The following PALM2AKAP2 variants were observed in gnomAD, a reference collection of about 807,000 sequenced individuals.
PALM2AKAP2 encodes the protein PALM2 and AKAP2 fusion, also known as PALM2-AKAP2 fusion protein.
Under a neutral mutation model 71.5 loss-of-function variants are expected in PALM2AKAP2, and 37 were observed. That is an observed-to-expected ratio of 0.52 (90% CI 0.40 to 0.68). The LOEUF (loss-of-function observed/expected upper bound fraction) is 0.68, where lower values mean the gene tolerates loss of function less well. Among genes scored for constraint, PALM2AKAP2 ranks in the 30% least tolerant of loss-of-function variants. The probability of loss-of-function intolerance (pLI) is 0.00; values close to 1 mark genes in which losing one functional copy is unlikely to be tolerated. For synonymous variants in PALM2AKAP2, 468 were observed against 478.8 expected, an observed-to-expected ratio of 0.98 and a Z score of 0.29; for missense variants, 1,224 against 1,191.8, an observed-to-expected ratio of 1.03 and a Z score of -0.40.
At chr9:109,997,422 T>G (rs1832594783) in intron 6 of PALM2AKAP2, among the ~76,000 whole-genome samples, 1 of 152,110 alleles carries the variant, frequency 6.6e-6, no homozygotes, top group Non-Finnish European at 1.5e-5. Context: ...CTGCTACTAT[T>G]GCAGCCCCGC....
chr9:109,675,650 A>G (rs1587863277), intron 1 of PALM2AKAP2, among the ~76,000 whole-genome samples: 3 of 152,330 alleles, frequency 2.0e-5, no homozygotes, highest in South Asian at 4.1e-4. Context: ...ATTGCAGTCA[A>G]CTAGGTGTAT....
rs187367991 is a variant in PALM2AKAP2, at chr9:109,740,891, A to T, written c.6-39597A>T. Among the ~76,000 whole-genome samples the T allele has an allele frequency of 3.7e-3, 570 of 152,256 alleles. 3 individuals carry two copies. Among genetic ancestry groups the T allele is most frequent in the African/African-American group, 0.013 (551 of 41,540 alleles). On this transcript the variant is annotated intron_variant, in intron 1 of 6. Coordinates refer to the PALM2AKAP2 transcript ENST00000374531. The stretch of plus-strand genomic sequence containing the variant: ...ATGGTCTCAATCTCTTGACCTCGTG[A>T]TCTGCCCACCTCGGCCTCCCAAAGC...
chr9:109,692,485 A>G (rs2118553751), intron 1 of PALM2AKAP2, among the ~76,000 whole-genome samples: 1 of 152,146 alleles, frequency 6.6e-6, no homozygotes, highest in South Asian at 2.1e-4. Context: ...GGTGAATGGC[A>G]GTGGTGAGAG....
chr9:110,159,106 A>T (rs1002197013), intron 3 of PALM2AKAP2, among the ~76,000 whole-genome samples: 6 of 152,208 alleles, frequency 3.9e-5, no homozygotes, highest in African/African-American at 1.4e-4. Flanking sequence ...CTTTTTCTTT[A>T]ATACCAGAAG....
At chr9:109,709,566 A>G (rs1028694795) in intron 1 of PALM2AKAP2, among the ~76,000 whole-genome samples, 5 of 152,136 alleles carry the variant, frequency 3.3e-5, no homozygotes, top group Admixed American at 1.3e-4. Flanking sequence ...ACCTAATTTC[A>G]GACCCTGACC....
intron 1 of PALM2AKAP2, among the ~76,000 whole-genome samples, chr9:109,834,811 C>T (rs557578040): frequency 9.2e-5 from 14 of 152,272 alleles, no homozygotes; most frequent in East Asian, 3.9e-4. Context: ...CTTAGAGCCA[C>T]GAGAATGGAC....
At chr9:109,969,180 C>A (rs1222395954) in intron 6 of PALM2AKAP2, among the ~76,000 whole-genome samples, 1 of 152,026 alleles carries the variant, frequency 6.6e-6, no homozygotes, top group Admixed American at 6.6e-5. Flanking sequence ...AGGAAGGCAG[C>A]CATGCCAAGA....
intron 1 of PALM2AKAP2, among the ~76,000 whole-genome samples, chr9:110,054,665 T>G (rs1833793684): frequency 6.6e-6 from 1 of 152,196 alleles, no homozygotes; most frequent in South Asian, 2.1e-4. Flanking sequence ...CTCGAACTTC[T>G]GGGCTCAAGT....
intron 1 of PALM2AKAP2, among the ~76,000 whole-genome samples, chr9:110,095,712 T>G (rs1834820382): frequency 1.3e-5 from 2 of 152,202 alleles, no homozygotes; most frequent in African/African-American, 4.8e-5. Flanking sequence ...TTCCATTGCC[T>G]CCTCCCCATC....
chr9:109,671,082 T>A (rs1827565264), intron 1 of PALM2AKAP2, among the ~76,000 whole-genome samples: 1 of 152,096 alleles, frequency 6.6e-6, no homozygotes, highest in Non-Finnish European at 1.5e-5. Flanking sequence ...TCTGTTTACT[T>A]TGTTGATAGT....
intron 1 of PALM2AKAP2, among the ~76,000 whole-genome samples, chr9:109,857,228 T>C (rs752506490): frequency 9.9e-5 from 15 of 152,234 alleles, no homozygotes; most frequent in Non-Finnish European, 2.1e-4. Context: ...CCTCCATTCT[T>C]GGTAAATTGA....
intron 1 of PALM2AKAP2, among the ~76,000 whole-genome samples, chr9:109,796,783 A>C (rs1271771485): frequency 6.6e-6 from 1 of 152,188 alleles, no homozygotes; most frequent in South Asian, 2.1e-4. Context: ...ACAGCATGGG[A>C]GAAACTGCCC....
At chr9:109,751,414 C>T (rs753927478) in intron 1 of PALM2AKAP2, among the ~76,000 whole-genome samples, 3 of 152,142 alleles carry the variant, frequency 2.0e-5, no homozygotes, top group African/African-American at 7.2e-5. Flanking sequence ...TTGTTTTACT[C>T]ACTAGTAAAA....
exon 2 of PALM2AKAP2, chr9:110,138,152 G>A (rs1281454580): frequency 6.2e-7 from 1 of 1,613,856 alleles, no homozygotes; most frequent in East Asian, 2.2e-5. Context: ...GAAAAGGGAT[G>A]TATTACCAAA....
chr9:110,136,019 A>G (rs1564324658), intron 1 of PALM2AKAP2, 108 bp from the exon 8 acceptor site: 2 of 1,360,098 alleles, frequency 1.5e-6, no homozygotes, highest in East Asian at 2.4e-5. Context: ...AGAATTTGTC[A>G]CTGTGGTTTC....
intron 1 of PALM2AKAP2, among the ~76,000 whole-genome samples, chr9:109,712,048 A>G (rs929963155): frequency 4.6e-5 from 7 of 151,856 alleles, no homozygotes; most frequent in African/African-American, 2.4e-5. Context: ...AGTAGGCTCT[A>G]GAGTAGGCTC....
intron 3 of PALM2AKAP2, among the ~76,000 whole-genome samples, chr9:109,916,492 G>A (rs536598801): frequency 6.6e-6 from 1 of 152,370 alleles, no homozygotes; most frequent in East Asian, 1.9e-4. Flanking sequence ...CTGGAGGGCA[G>A]CGCAGGCTGT....
chr9:109,703,154 G>A (rs1281139361), intron 1 of PALM2AKAP2, among the ~76,000 whole-genome samples: 1 of 152,046 alleles, frequency 6.6e-6, no homozygotes, highest in East Asian at 1.9e-4. Flanking sequence ...TTTCCCATTT[G>A]GTTGAATTCA....
At chr9:109,944,243 C>T (rs1230624007) in intron 6 of PALM2AKAP2, 3 of 152,110 alleles carry the variant, frequency 2.0e-5, no homozygotes, top group Admixed American at 1.3e-4. Context: ...ATTCACAAGC[C>T]TTGTTTCTAT....
Sources: allele counts gnomAD v4.1 joint callset (sites outside exome capture counted in the v4.1 genomes callset), GRCh38; gene constraint gnomAD v4.1.1; transcripts MANE v1.5; gene names NCBI Gene and HGNC (gene_info 2026-07-23, HGNC 2026-07-21).